The following SIPA1L3 variants were observed in gnomAD, a reference collection of about 807,000 sequenced individuals.
The protein encoded by SIPA1L3 is signal-induced proliferation-associated 1-like protein 3.
Under a neutral mutation model 150.1 loss-of-function variants are expected in SIPA1L3, and 59 were observed. That is an observed-to-expected ratio of 0.39 (90% CI 0.32 to 0.49). SIPA1L3 has a LOEUF of 0.49. Among genes scored for constraint, SIPA1L3 ranks in the 20% least tolerant of loss-of-function variants. SIPA1L3 has a pLI of 0.86. For synonymous variants in SIPA1L3, 1,070 were observed against 1,077.6 expected (o/e 0.99, Z 0.14); for missense variants, 2,211 against 2,489.5 (o/e 0.89, Z 2.38).
intron 1 of SIPA1L3, among the ~76,000 whole-genome samples, chr19:37,994,308 A>G (rs1967581625): frequency 1.3e-5 from 2 of 152,172 alleles, no homozygotes; most frequent in South Asian, 4.2e-4. Flanking sequence ...GAGTATAGTT[A>G]AAGTGTGAAG....
At chr19:38,147,193 C>G (rs1257081259) in intron 12 of SIPA1L3, among the ~76,000 whole-genome samples, 1 of 152,018 alleles carries the variant, frequency 6.6e-6, no homozygotes, top group Non-Finnish European at 1.5e-5. Flanking sequence ...TCCCATGAAG[C>G]TGGGATTACA....
rs779173546 is a variant in SIPA1L3, at chr19:38,198,480, A to C, written c.4932A>C (p.Thr1644=). Residue 1644 remains threonine, a synonymous_variant, in exon 19 of 22, where the codon ACA becomes ACC. Transcript: ENST00000222345. ...CTGGGCTGATGCCCCTGCCTGACAC[A>C]GCTGCTGGCCTCGAGTGGTCCAGCC... ...LDPGLMPLPD[T]AAGLEWSSLV... is the part of the protein sequence containing the mutation. The C allele has an allele frequency of 6.2e-7, 1 of 1,604,238 alleles. No individual in the cohort carries two copies. The highest frequency in any genetic ancestry group is 8.5e-7 in the Non-Finnish European group (1 of 1,176,088).
intron 3 of SIPA1L3, among the ~76,000 whole-genome samples, chr19:38,084,042 A>G (rs1568541542): frequency 6.6e-6 from 1 of 151,862 alleles, no homozygotes; most frequent in Non-Finnish European, 1.5e-5. Context: ...TGCTAGTAAC[A>G]GGCTTAAACA....
intron 1 of SIPA1L3, among the ~76,000 whole-genome samples, chr19:37,929,847 C>A (rs567555774): frequency 6.6e-6 from 1 of 151,884 alleles, no homozygotes; most frequent in African/African-American, 2.4e-5. Flanking sequence ...ATGTCTGTAT[C>A]TATGTATGTA....
Position 38,106,327 on chromosome 19 carries a change from G to A in SIPA1L3, c.2030-210G>A, listed in dbSNP as rs191203929. On this transcript the variant is annotated intron_variant, in intron 6 of 21. Transcript: ENST00000222345. ...TCACCATGTTGGCCAGGCTGGTCTC[G>A]AACTCCTGACCTCAGATGATCCACC... is the stretch of plus-strand genomic sequence containing the variant. The A allele has an allele frequency of 4.6e-3, 2,090 of 454,464 alleles. 20 individuals carry two copies. The highest frequency in any genetic ancestry group is 4.6e-3 in the Non-Finnish European group (1,147 of 247,088). The allele number at this position is 454,464 out of a possible 1,614,324, so 28.2% of individuals were successfully genotyped here. A position where few individuals can be genotyped will look rare whatever the true frequency, so the allele number is the denominator to read the frequency against.
intron 1 of SIPA1L3, among the ~76,000 whole-genome samples, chr19:38,002,646 G>C (rs1256992000): frequency 6.8e-6 from 1 of 146,628 alleles, no homozygotes; most frequent in African/African-American, 2.5e-5. Context: ...TTGAACCTGG[G>C]AGGCGGAGGT....
intron 1 of SIPA1L3, among the ~76,000 whole-genome samples, chr19:38,007,812 T>C (rs562311340): frequency 6.6e-6 from 1 of 152,256 alleles, no homozygotes; most frequent in Admixed American, 6.5e-5. Flanking sequence ...TGAGACACCA[T>C]CTCTGAGCGG....
At chr19:38,001,980 C>G (rs1365050753) in intron 1 of SIPA1L3, among the ~76,000 whole-genome samples, 1 of 152,162 alleles carries the variant, frequency 6.6e-6, no homozygotes, top group Non-Finnish European at 1.5e-5. Context: ...AAAATATGCA[C>G]AACTCATTTA....
chr19:37,932,310 A>G (rs1435884044), intron 1 of SIPA1L3: 1 of 152,242 alleles, frequency 6.6e-6, no homozygotes, highest in Non-Finnish European at 1.5e-5. Flanking sequence ...TTTCAAGCCC[A>G]TTCAGACTCC....
At chr19:37,969,936 C>T (rs769210983) in intron 1 of SIPA1L3, among the ~76,000 whole-genome samples, 3 of 152,166 alleles carry the variant, frequency 2.0e-5, no homozygotes, top group Non-Finnish European at 4.4e-5. Flanking sequence ...GTTTAATGCC[C>T]GTCTTCCTCA....
At chr19:38,053,930 G>A (rs1026436350) in intron 2 of SIPA1L3, among the ~76,000 whole-genome samples, 14 of 149,606 alleles carry the variant, frequency 9.4e-5, no homozygotes, top group Admixed American at 2.7e-4. Context: ...GAAAGCAATG[G>A]CAAAAACCGC....
chr19:38,125,498 G>A (rs1971151355), intron 9 of SIPA1L3, among the ~76,000 whole-genome samples: 1 of 151,948 alleles, frequency 6.6e-6, no homozygotes, highest in African/African-American at 2.4e-5. Flanking sequence ...GCCTACTGTT[G>A]GCGGAGTCCT....
In SIPA1L3 at chr19:38,019,337, A is replaced by G. The variant is rs949812646; in HGVS notation, c.-378-9752A>G. On this transcript the variant is annotated intron_variant, in intron 1 of 21. Transcript: ENST00000222345. Reference sequence around the variant, plus strand: ...TCCCTAGCACAGGGCCTTTGTCCTTAAGGTGGCTTCATGGCCCAGTGTGAC... The same window carrying G: ...TCCCTAGCACAGGGCCTTTGTCCTTGAGGTGGCTTCATGGCCCAGTGTGAC... 1.5e-4 allele frequency among the ~76,000 whole-genome samples: 23 copies of G among 152,286 alleles called. 1 individual carries two copies. In the East Asian group the frequency reaches 3.1e-3, roughly 20 times the overall value.
At chr19:38,000,863 A>C (rs1464998148) in intron 1 of SIPA1L3, among the ~76,000 whole-genome samples, 2 of 145,588 alleles carry the variant, frequency 1.4e-5, no homozygotes, top group South Asian at 2.1e-4. Context: ...TTGTACATTT[A>C]TGTTCCAAGT....
intron 2 of SIPA1L3, among the ~76,000 whole-genome samples, chr19:38,056,861 C>T (rs977673932): frequency 3.3e-5 from 5 of 152,026 alleles, no homozygotes; most frequent in South Asian, 2.1e-4. Flanking sequence ...AGTTGGAGAC[C>T]GCCCGGAGCA....
At chr19:38,186,130 T>G (rs1343796163) in intron 16 of SIPA1L3, 1 of 152,196 alleles carries the variant, frequency 6.6e-6, no homozygotes, top group Non-Finnish European at 1.5e-5. Flanking sequence ...TCAGAAGATG[T>G]ACCTGGAGAG....
At chr19:38,036,989 A>C (rs1362322887) in intron 2 of SIPA1L3, among the ~76,000 whole-genome samples, 1 of 152,156 alleles carries the variant, frequency 6.6e-6, no homozygotes, top group Non-Finnish European at 1.5e-5. Flanking sequence ...GCCTAACTAC[A>C]AGGGACTAGA....
intron 9 of SIPA1L3, among the ~76,000 whole-genome samples, chr19:38,124,230 T>G (rs1166218759): frequency 6.8e-6 from 1 of 147,826 alleles, no homozygotes; most frequent in Non-Finnish European, 1.5e-5. Flanking sequence ...GCGGAGGGGC[T>G]CCTCACTTCT....
At chr19:37,935,798 A>G (rs2054632416) in intron 1 of SIPA1L3, among the ~76,000 whole-genome samples, 1 of 152,196 alleles carries the variant, frequency 6.6e-6, no homozygotes, top group Non-Finnish European at 1.5e-5. Flanking sequence ...AACTGGCTCC[A>G]CATCACTTCT....
Sources: gnomAD v4.1 joint callset for allele counts (sites outside exome capture counted in the v4.1 genomes callset) on GRCh38, gnomAD v4.1.1 for gene constraint, MANE v1.5 for transcripts, NCBI Gene and HGNC (gene_info 2026-07-23, HGNC 2026-07-21) for gene names.